ZNF124: variants seen among roughly 807,000 people sequenced by gnomAD.
The protein encoded by ZNF124 is zinc finger protein 124, also known as zinc finger protein HZF-16.
Under a neutral mutation model 26.6 loss-of-function variants are expected in ZNF124, and 25 were observed. The ratio of observed to expected loss-of-function variants is 0.94; its 90% CI spans 0.68 to 1.31. ZNF124 has a LOEUF of 1.31. ZNF124 is among the 40% of genes most tolerant of loss of function. The probability of loss-of-function intolerance (pLI) is 0.00; values close to 1 mark genes in which losing one functional copy is unlikely to be tolerated. For synonymous variants in ZNF124, 129 were observed against 133.3 expected (o/e 0.97, Z 0.22); for missense variants, 444 against 422.2 (o/e 1.05, Z -0.45).
At chr1:247,133,715 G>A (rs936529083) in intron 3 of ZNF124, among the ~76,000 whole-genome samples, 1 of 146,198 alleles carries the variant, frequency 6.8e-6, no homozygotes, top group Non-Finnish European at 1.5e-5. Context: ...GTGCAGTGGT[G>A]CGATCTCAGC....
intron 3 of ZNF124, among the ~76,000 whole-genome samples, chr1:247,145,586 G>A (rs917553790): frequency 5.3e-5 from 8 of 151,980 alleles, no homozygotes; most frequent in Non-Finnish European, 1.0e-4. Context: ...TCCACAGCCT[G>A]GTTATAGTCA....
intron 1 of ZNF124, among the ~76,000 whole-genome samples, chr1:247,170,587 A>G (rs71642403): frequency 0.097 from 13,888 of 143,902 alleles, 1,455 homozygotes; most frequent in East Asian, 0.31. Flanking sequence ...TAAAGAAGGA[A>G]GGGCTTCATT....
chr1:247,127,988 G>A (rs1672251818), intron 3 of ZNF124, among the ~76,000 whole-genome samples: 1 of 152,176 alleles, frequency 6.6e-6, no homozygotes, highest in Admixed American at 6.5e-5. Context: ...TGTAAGGCAA[G>A]CAGGGTCTCA....
intron 1 of ZNF124, among the ~76,000 whole-genome samples, chr1:247,160,745 G>A (rs559727903): frequency 6.6e-6 from 1 of 152,276 alleles, no homozygotes; most frequent in Non-Finnish European, 1.5e-5. Context: ...GAGCTTCCCT[G>A]GTAGATAATA....
At chr1:247,142,478 G>A (rs964155986) in intron 3 of ZNF124, among the ~76,000 whole-genome samples, 3 of 152,192 alleles carry the variant, frequency 2.0e-5, no homozygotes, top group African/African-American at 4.8e-5. Context: ...ATTCATATAT[G>A]TTTGTATATT....
At chr1:247,166,619 T>C (rs1015458345) in intron 1 of ZNF124, among the ~76,000 whole-genome samples, 1 of 152,186 alleles carries the variant, frequency 6.6e-6, no homozygotes, top group Admixed American at 6.5e-5. Context: ...TTAAATCTTA[T>C]GTAAAAAGTC....
intron 3 of ZNF124, among the ~76,000 whole-genome samples, chr1:247,148,727 G>A (rs1487005160): frequency 6.6e-6 from 1 of 152,046 alleles, no homozygotes; most frequent in Admixed American, 6.6e-5. Flanking sequence ...TTTGGAGGCC[G>A]AGGCGGGCAG....
rs767462845 is a variant in ZNF124 at position 247,155,955 on chromosome 1, T to C, written c.*611A>G. 3.0e-5 allele frequency: 28 copies of C among 939,474 alleles called. No individual in the cohort carries two copies. Among genetic ancestry groups the C allele is most frequent in the Non-Finnish European group, 3.4e-5 (27 of 789,840 alleles). The allele number at this position is 939,474 out of a possible 1,614,324, so 58.2% of individuals were successfully genotyped here. A position where few individuals can be genotyped will look rare whatever the true frequency, so the allele number is the denominator to read the frequency against. ...ACTCTCTTCAAAAATGAGCAACCAA[T>C]ATATTCAATTTATTTATAGCTCCTA... On this transcript the variant is annotated 3_prime_UTR_variant, in exon 4 of 4. Coordinates refer to ENST00000543802, the MANE Select transcript of ZNF124 (RefSeq NM_001297568.2).
intron 3 of ZNF124, among the ~76,000 whole-genome samples, chr1:247,125,430 CTTTTTTTTTT>C (rs71566695): frequency 9.9e-4 from 43 of 43,292 alleles, no homozygotes; most frequent in South Asian, 8.4e-3. Context: ...CTGTTTTTGT[CTTTTTTTTTT>C]TTTTTTTTTT....
chr1:247,166,907 G>A (rs1673812433), intron 1 of ZNF124, among the ~76,000 whole-genome samples: 1 of 152,132 alleles, frequency 6.6e-6, no homozygotes, highest in Non-Finnish European at 1.5e-5. Context: ...GTACTCACAA[G>A]CCATATTTAG....
At chr1:247,128,927 T>G (rs1672283188) in intron 3 of ZNF124, among the ~76,000 whole-genome samples, 1 of 116,076 alleles carries the variant, frequency 8.6e-6, no homozygotes, top group African/African-American at 3.6e-5. Context: ...GGGTGGACAT[T>G]GAGTACTTCC....
chr1:247,148,612 A>G (rs1418953750), intron 3 of ZNF124, among the ~76,000 whole-genome samples: 3 of 152,160 alleles, frequency 2.0e-5, no homozygotes, highest in Non-Finnish European at 4.4e-5. Flanking sequence ...ACCCAACTGG[A>G]TGCTTTCTGC....
At chr1:247,145,633 G>GT (rs55923514) in intron 3 of ZNF124, among the ~76,000 whole-genome samples, 3,346 of 144,254 alleles carry the variant, frequency 0.023, 58 homozygotes, top group African/African-American at 0.053. Flanking sequence ...AAAAACTTCT[G>GT]TTTTTTTTTT....
At chr1:247,161,827 T>C (rs1198511900) in intron 1 of ZNF124, among the ~76,000 whole-genome samples, 1 of 152,112 alleles carries the variant, frequency 6.6e-6, no homozygotes, top group African/African-American at 2.4e-5. Flanking sequence ...CAAGTGGTGA[T>C]TACCACACCA....
At chr1:247,123,457 A>G (rs1430442163) in exon 4 of ZNF124, 1 of 159,212 alleles carries the variant, frequency 6.3e-6, no homozygotes, top group Non-Finnish European at 1.4e-5. Context: ...GGCCTCCCAA[A>G]GTGCTGGGAT....
chr1:247,170,232 G>A lies in ZNF124; in HGVS notation c.30+1616C>T, dbSNP rs181778749. ...GGTGATTATTCTCTGTTTTCACAAGGAATGTTCAGAAACAGCTCCTCACTG... is the reference window on the plus strand; with the variant it reads ...GGTGATTATTCTCTGTTTTCACAAGAAATGTTCAGAAACAGCTCCTCACTG... On this transcript the variant is annotated intron_variant, in intron 1 of 3. Transcript: ENST00000543802. 5.8e-4 allele frequency among the ~76,000 whole-genome samples: 85 copies of A among 147,584 alleles called. 1 individual carries two copies. Among genetic ancestry groups the A allele is most frequent in the African/African-American group, 1.8e-3 (70 of 39,892 alleles).
intron 3 of ZNF124, among the ~76,000 whole-genome samples, chr1:247,126,095 T>TA (rs917279458): frequency 1.1e-4 from 16 of 152,220 alleles, no homozygotes; most frequent in East Asian, 5.8e-4. Context: ...AACCCGTCTC[T>TA]ACTAAAGATA....
At chr1:247,163,323 A>AGAG (rs374751236) in intron 1 of ZNF124, among the ~76,000 whole-genome samples, 7 of 149,318 alleles carry the variant, frequency 4.7e-5, no homozygotes, top group African/African-American at 1.5e-4. Flanking sequence ...AGAGAGAGAG[A>AGAG]AAAAAAAGCA....
intron 3 of ZNF124, among the ~76,000 whole-genome samples, chr1:247,130,412 G>A (rs1008235330): frequency 2.0e-5 from 3 of 152,122 alleles, no homozygotes; most frequent in Non-Finnish European, 4.4e-5. Flanking sequence ...AGAAAAATAC[G>A]TTTTCACAAG....
Sources: allele counts gnomAD v4.1 joint callset (sites outside exome capture counted in the v4.1 genomes callset), GRCh38; gene constraint gnomAD v4.1.1; transcripts MANE v1.5; gene names NCBI Gene and HGNC (gene_info 2026-07-23, HGNC 2026-07-21).